Variants in ZNF738 observed in about 807,000 individuals in gnomAD.
ZNF738 encodes protein ZNF738.
In ZNF738, 10 loss-of-function variants were observed where a neutral mutation model predicts 9.2. The observed-to-expected ratio is 1.09, with a 90% CI of 0.67 to 1.85. The LOEUF is 1.85. Among genes scored for constraint, ZNF738 ranks in the 40% most tolerant of loss-of-function variants. The pLI, the probability that ZNF738 is intolerant of heterozygous loss-of-function variation, is 0.00. For missense variants in ZNF738, 346 were observed against 283.6 expected, an observed-to-expected ratio of 1.22 and a Z score of -1.58; for synonymous variants, 113 against 94.5, an observed-to-expected ratio of 1.20 and a Z score of -1.14.
At chr19:21,375,833 G>A in intron 3 of ZNF738, 36 bp from the exon 4 acceptor site, 4 of 766,616 alleles carry the variant, frequency 5.2e-6, no homozygotes, top group Non-Finnish European at 7.3e-6. Flanking sequence ...TAGAGAATAT[G>A]AGCAAGATTC....
chr19:21,366,985 T>A (rs993573514), intron 2 of ZNF738, among the ~76,000 whole-genome samples: 1 of 152,218 alleles, frequency 6.6e-6, no homozygotes, highest in Non-Finnish European at 1.5e-5. Flanking sequence ...TGCAGCCTGG[T>A]AGGTCTCATC....
rs1185925901 is a variant in ZNF738, at chr19:21,359,013, G to C, written c.-128G>C. On this transcript the variant is annotated 5_prime_UTR_variant, in exon 1 of 5. Coordinates refer to ENST00000683779, the MANE Select transcript of ZNF738 (RefSeq NM_001355237.2). ...GTCCGCTTCTTTGTCTTTGGCTGCC[G>C]CTGGAACTCCGGGTCTCGTCTTCAC... 1.3e-5 allele frequency: 10 copies of C among 760,876 alleles called. No individual in the cohort carries two copies. The highest frequency in any genetic ancestry group is 6.9e-5 in the African/African-American group (4 of 58,372). 47.1% of individuals were successfully genotyped at this position (760,876 alleles called of 1,614,324 possible).
chr19:21,381,138 T>C (rs1404537887), intron 4 of ZNF738: 2 of 843,222 alleles, frequency 2.4e-6, no homozygotes, highest in African/African-American at 3.4e-5. Flanking sequence ...ATTAAGCACG[T>C]GAGAGTCACA....
In ZNF738 at chr19:21,385,113, G is replaced by A. The variant is rs546866315; in HGVS notation, c.*1439G>A. Among the ~76,000 whole-genome samples, 1 of 152,026 alleles carries A rather than the reference G, an allele frequency of 6.6e-6. No homozygotes were observed. The highest frequency in any genetic ancestry group is 2.4e-5 in the African/African-American group (1 of 41,456). On this transcript the variant is annotated 3_prime_UTR_variant, in exon 5 of 5. Transcript: ENST00000683779. Reference sequence around the variant, plus strand: ...TGCCTGTAATCCCAGCACTTTGGGAGGCTGAGGCAGGCAGATCACCTGGTC... The same window carrying A: ...TGCCTGTAATCCCAGCACTTTGGGAAGCTGAGGCAGGCAGATCACCTGGTC...
rs923134016 is a variant in ZNF738, at chr19:21,384,160, G to A, written c.*486G>A. 6 of 1,395,130 alleles carry A rather than the reference G, an allele frequency of 4.3e-6. No individual in the cohort carries two copies. The highest frequency in any genetic ancestry group is 3.0e-5 in the African/African-American group (2 of 66,464). 86.4% of individuals were successfully genotyped at this position (1,395,130 alleles called of 1,614,324 possible). On this transcript the variant is annotated 3_prime_UTR_variant, in exon 5 of 5. Coordinates refer to ENST00000683779, the MANE Select transcript of ZNF738 (RefSeq NM_001355237.2). ...AAGATGATTCATACTGTAGAGAAAC[G>A]CTACAAATGTGAGGAATGTGGCAAA...
intron 2 of ZNF738, among the ~76,000 whole-genome samples, chr19:21,368,744 A>T (rs1973819594): frequency 6.7e-6 from 1 of 150,066 alleles, no homozygotes; most frequent in African/African-American, 2.5e-5. Flanking sequence ...ACAGAAGCCA[A>T]AGCGCCCAGC....
chr19:21,381,268 G>A (rs1358649517), intron 4 of ZNF738: 2 of 1,591,448 alleles, frequency 1.3e-6, no homozygotes, highest in Admixed American at 1.7e-5. Flanking sequence ...TGATGTTTGG[G>A]TTATTGAACA....
At chr19:21,378,612 T>C in intron 4 of ZNF738, 1 of 328,690 alleles carries the variant, frequency 3.0e-6, no homozygotes, top group South Asian at 2.6e-5. Context: ...ATCACTTTTT[T>C]TTTTTTTTTT....
chr19:21,381,731 G>T (rs762675746), intron 4 of ZNF738: 62 of 297,176 alleles, frequency 2.1e-4, no homozygotes, highest in Non-Finnish European at 3.3e-4. Flanking sequence ...CTGACCTCGT[G>T]ATCCACCCAC....
chr19:21,363,135 TA>T (rs2145218118), intron 2 of ZNF738, among the ~76,000 whole-genome samples: 1 of 152,356 alleles, frequency 6.6e-6, no homozygotes, highest in South Asian at 2.1e-4. Flanking sequence ...AATAGAATAA[TA>T]CATTTATTTT....
chr19:21,384,295 C>G lies in ZNF738; in HGVS notation c.*621C>G, dbSNP rs1242894725. ...GCCTTTAGTGTATTCTCAACCCTTA[C>G]TAAACATAAGATAATTCATACTGGA... On this transcript the variant is annotated 3_prime_UTR_variant, in exon 5 of 5. Transcript: ENST00000683779. 1.3e-5 allele frequency among the ~76,000 whole-genome samples: 2 copies of G among 152,074 alleles called. No homozygotes were observed. Among genetic ancestry groups the G allele is most frequent in the Non-Finnish European group, 2.9e-5 (2 of 68,000 alleles).
At chr19:21,382,658 A>G (rs1389971789) in intron 4 of ZNF738, among the ~76,000 whole-genome samples, 2 of 152,126 alleles carry the variant, frequency 1.3e-5, no homozygotes, top group East Asian at 1.9e-4. Flanking sequence ...GGGTACTTTA[A>G]ACATTTAGTT....
intron 1 of ZNF738, among the ~76,000 whole-genome samples, chr19:21,359,644 C>G (rs1973655632): frequency 6.6e-6 from 1 of 152,078 alleles, no homozygotes; most frequent in Non-Finnish European, 1.5e-5. Flanking sequence ...TTTGGAAGGC[C>G]GAGGTGGGCG....
intron 4 of ZNF738, chr19:21,377,515 C>CACAA: frequency 1.8e-6 from 1 of 549,514 alleles, no homozygotes; most frequent in Non-Finnish European, 3.3e-6. Context: ...CAGACGTGCA[C>CACAA]ACACACACAC....
At chr19:21,378,043 A>G (rs938760235) in intron 4 of ZNF738, 1 of 397,390 alleles carries the variant, frequency 2.5e-6, no homozygotes. Flanking sequence ...GGGGGATTAC[A>G]TAAAACCTTT....
At chr19:21,375,403 A>T (rs1264759483) in intron 3 of ZNF738, 39 bp downstream of exon 3, 1 of 621,242 alleles carries the variant, frequency 1.6e-6, no homozygotes, top group Non-Finnish European at 2.9e-6. Context: ...TATATACACT[A>T]AAGGTTTCAT....
chr19:21,374,898 A>G (rs1973905231), intron 2 of ZNF738, among the ~76,000 whole-genome samples: 1 of 152,212 alleles, frequency 6.6e-6, no homozygotes, highest in African/African-American at 2.4e-5. Context: ...TGTCTAACTC[A>G]ACATGTCATT....
In ZNF738 at chr19:21,386,011, C is replaced by T. The variant is rs972010704; in HGVS notation, c.*2337C>T. Among the ~76,000 whole-genome samples, 1 of 152,080 alleles carries T rather than the reference C, an allele frequency of 6.6e-6. No individual in the cohort carries two copies. Among genetic ancestry groups the T allele is most frequent in the Non-Finnish European group, 1.5e-5 (1 of 68,018 alleles). ...AGGTAATTCGTGCTGGAGAGAAACC[C>T]TACAAATATGAAGAATATCTCAAAA... On this transcript the variant is annotated 3_prime_UTR_variant, in exon 5 of 5. Coordinates refer to ENST00000683779, the MANE Select transcript of ZNF738 (RefSeq NM_001355237.2).
chr19:21,384,529 A>C lies in ZNF738; in HGVS notation c.*855A>C, dbSNP rs1047052549. ...CATGAAGAAAGTGGCAAAGCTTTTA[A>C]CTGTTCCTCACAAATTACTAGACAT... is the stretch of plus-strand genomic sequence containing the variant. On this transcript the variant is annotated 3_prime_UTR_variant, in exon 5 of 5. Transcript: ENST00000683779. 6.6e-6 allele frequency among the ~76,000 whole-genome samples: 1 copy of C among 151,970 alleles called. No individual in the cohort carries two copies. Among genetic ancestry groups the C allele is most frequent in the Non-Finnish European group, 1.5e-5 (1 of 67,962 alleles).
Sources: gnomAD v4.1 joint callset for allele counts (sites outside exome capture counted in the v4.1 genomes callset) on GRCh38, gnomAD v4.1.1 for gene constraint, MANE v1.5 for transcripts, NCBI Gene and HGNC (gene_info 2026-07-23, HGNC 2026-07-21) for gene names.